Variants in PRKG1 observed in about 807,000 individuals in gnomAD.
The protein encoded by PRKG1 is cGMP-dependent protein kinase 1.
PRKG1 carries 35 observed loss-of-function variants against 88.1 expected under a neutral mutation model. That is an observed-to-expected ratio of 0.40 (90% CI 0.30 to 0.53). The LOEUF (loss-of-function observed/expected upper bound fraction) is 0.53. Ranked by LOEUF, PRKG1 falls within the 20% of genes least tolerant of loss-of-function variation. The pLI, the probability that PRKG1 is intolerant of heterozygous loss-of-function variation, is 0.59. For missense variants in PRKG1, 540 were observed against 839.8 expected, an observed-to-expected ratio of 0.64 and a Z score of 4.41; for synonymous variants, 303 against 292.5, an observed-to-expected ratio of 1.04 and a Z score of -0.37.
chr10:51,255,642 A>G (rs1839538003), intron 2 of PRKG1, among the ~76,000 whole-genome samples: 2 of 152,154 alleles, frequency 1.3e-5, no homozygotes, highest in Non-Finnish European at 2.9e-5. Flanking sequence ...GAAAGCTGTG[A>G]GAGAGTCGTT....
chr10:51,005,992 G>A (rs1297732287), intron 1 of PRKG1, among the ~76,000 whole-genome samples: 7 of 152,250 alleles, frequency 4.6e-5, no homozygotes, highest in East Asian at 1.9e-4. Context: ...ATATTCTAAC[G>A]GTGCAGTTGA....
chr10:51,210,820 T>A (rs1162051844), intron 2 of PRKG1, among the ~76,000 whole-genome samples: 2 of 152,100 alleles, frequency 1.3e-5, no homozygotes, highest in Admixed American at 1.3e-4. Context: ...AGGCAATAAT[T>A]AATAGCTTAC....
At chr10:51,518,686 A>G (rs1357856765) in intron 3 of PRKG1, among the ~76,000 whole-genome samples, 2 of 152,220 alleles carry the variant, frequency 1.3e-5, no homozygotes, top group East Asian at 1.9e-4. Flanking sequence ...AGGAAATAGA[A>G]GCAAGAAATA....
intron 5 of PRKG1, among the ~76,000 whole-genome samples, chr10:51,937,295 G>A (rs930972036): frequency 9.2e-5 from 14 of 151,858 alleles, no homozygotes; most frequent in African/African-American, 2.9e-4. Flanking sequence ...GCTCTTAGGA[G>A]GAAAGTCATT....
chr10:51,604,691 C>CATG (rs1838709255), intron 3 of PRKG1, among the ~76,000 whole-genome samples: 1 of 152,210 alleles, frequency 6.6e-6, no homozygotes, highest in Non-Finnish European at 1.5e-5. Context: ...AGGGGTGTGG[C>CATG]TCACTTCTTC....
intron 11 of PRKG1, 131 bp downstream of exon 11, chr10:52,271,620 A>T: frequency 1.0e-6 from 1 of 975,564 alleles, no homozygotes; most frequent in South Asian, 3.4e-5. Context: ...ATCTAATCTT[A>T]AGAAAGTTTT....
chr10:51,920,777 T>C (rs1842447083), intron 5 of PRKG1, among the ~76,000 whole-genome samples: 1 of 152,108 alleles, frequency 6.6e-6, no homozygotes, highest in Non-Finnish European at 1.5e-5. Flanking sequence ...TTTCTAATTT[T>C]ACTTTTAAAC....
intron 5 of PRKG1, among the ~76,000 whole-genome samples, chr10:52,035,467 C>T (rs1330911036): frequency 6.6e-6 from 1 of 152,106 alleles, no homozygotes; most frequent in East Asian, 1.9e-4. Flanking sequence ...ATAGCATAAC[C>T]TGCCTTTGCT....
chr10:51,578,781 G>A (rs2879584), intron 3 of PRKG1, among the ~76,000 whole-genome samples: 21,601 of 151,894 alleles, frequency 0.14, 1,655 homozygotes, highest in African/African-American at 0.2. Flanking sequence ...CTGTATGCAA[G>A]TTTACATTAA....
intron 5 of PRKG1, among the ~76,000 whole-genome samples, chr10:51,939,867 T>C (rs1219443411): frequency 1.3e-5 from 2 of 151,972 alleles, no homozygotes; most frequent in African/African-American, 4.8e-5. Flanking sequence ...TGATGAGTGA[T>C]CCTGTTTACA....
chr10:51,415,698 G>C (rs540425302), intron 2 of PRKG1, among the ~76,000 whole-genome samples: 2 of 152,250 alleles, frequency 1.3e-5, no homozygotes, highest in East Asian at 3.9e-4. Flanking sequence ...AGTGGCACCA[G>C]CCAAGGAGAA....
intron 1 of PRKG1, among the ~76,000 whole-genome samples, chr10:51,114,299 A>G (rs1031426173): frequency 1.2e-4 from 19 of 152,266 alleles, no homozygotes; most frequent in African/African-American, 3.8e-4. Context: ...TGTGCAATAA[A>G]GAGTAGAAAT....
At chr10:51,804,273 C>T (rs1479871430) in intron 3 of PRKG1, among the ~76,000 whole-genome samples, 8 of 151,982 alleles carry the variant, frequency 5.3e-5, no homozygotes, top group African/African-American at 1.9e-4. Context: ...CATATATAGC[C>T]TTGATTTACA....
Position 52,293,959 on chromosome 10 carries a change from C to T in PRKG1, c.*59C>T, listed in dbSNP as rs761126500. ...GACAGCTTTTTCTGAGACACAGCTG[C>T]CAGCAAACCTGAGGGAAAGAGAGAA... is the stretch of plus-strand genomic sequence containing the variant. On this transcript the variant is annotated 3_prime_UTR_variant, in exon 18 of 18. Transcript: ENST00000373980. 2 of 1,395,144 alleles carry T rather than the reference C, an allele frequency of 1.4e-6. No individual in the cohort carries two copies. Among genetic ancestry groups the T allele is most frequent in the African/African-American group, 1.4e-5 (1 of 69,874 alleles). The allele number at this position is 1,395,144 out of a possible 1,614,324, so 86.4% of individuals were successfully genotyped here. A position where few individuals can be genotyped will look rare whatever the true frequency, so the allele number is the denominator to read the frequency against.
chr10:51,822,488 T>C (rs16923603), intron 4 of PRKG1, among the ~76,000 whole-genome samples: 7,463 of 152,126 alleles, frequency 0.049, 392 homozygotes, highest in African/African-American at 0.12. Flanking sequence ...GAAACGTAGA[T>C]AGAATTAGCA....
At chr10:51,690,520 G>C (rs971327837) in intron 3 of PRKG1, among the ~76,000 whole-genome samples, 1 of 152,146 alleles carries the variant, frequency 6.6e-6, no homozygotes, top group African/African-American at 2.4e-5. Context: ...ATCTACATAA[G>C]TAGATTCCTA....
intron 3 of PRKG1, among the ~76,000 whole-genome samples, chr10:51,799,244 C>T (rs983253750): frequency 6.6e-6 from 1 of 152,016 alleles, no homozygotes; most frequent in Non-Finnish European, 1.5e-5. Context: ...TAAACCCTTC[C>T]GTGCCCCCCT....
At chr10:51,554,464 T>C (rs1378989358) in intron 3 of PRKG1, among the ~76,000 whole-genome samples, 2 of 148,864 alleles carry the variant, frequency 1.3e-5, no homozygotes, top group African/African-American at 4.9e-5. Context: ...CACTAAGAGG[T>C]GTTGTTTTAG....
At chr10:51,050,145 T>A (rs571890234) in intron 1 of PRKG1, among the ~76,000 whole-genome samples, 12 of 151,922 alleles carry the variant, frequency 7.9e-5, no homozygotes, top group African/African-American at 2.2e-4. Flanking sequence ...ACATATTCTA[T>A]CATGTATTTT....
Sources: allele counts gnomAD v4.1 joint callset (sites outside exome capture counted in the v4.1 genomes callset), GRCh38; gene constraint gnomAD v4.1.1; transcripts MANE v1.5; gene names NCBI Gene and HGNC (gene_info 2026-07-23, HGNC 2026-07-21).